The following SAMMSON variants were observed in gnomAD, a reference collection of about 807,000 sequenced individuals.
SAMMSON encodes the protein long intergenic non-protein coding RNA 1212.
At chr3:70,278,131 C>G (rs769555865) in intron 6 of SAMMSON, among the ~76,000 whole-genome samples, 5 of 152,190 alleles carry the variant, frequency 3.3e-5, no homozygotes, top group Non-Finnish European at 7.3e-5. Context: ...TTGCCCCCAA[C>G]TTCTTCTATT....
intron 7 of SAMMSON, among the ~76,000 whole-genome samples, chr3:70,331,071 C>G (rs533479126): frequency 6.6e-6 from 1 of 152,000 alleles, no homozygotes; most frequent in Non-Finnish European, 1.5e-5. Context: ...GATTGAGATC[C>G]CCAAATTGAA....
intron 6 of SAMMSON, among the ~76,000 whole-genome samples, chr3:70,271,293 G>A (rs182932368): frequency 6.6e-6 from 1 of 152,060 alleles, no homozygotes; most frequent in Non-Finnish European, 1.5e-5. Flanking sequence ...AAAAGGACCT[G>A]GTAGGAAGCA....
chr3:70,148,036 C>T (rs2067556264), intron 4 of SAMMSON, among the ~76,000 whole-genome samples: 1 of 151,982 alleles, frequency 6.6e-6, no homozygotes, highest in Admixed American at 6.6e-5. Context: ...AAAAGATGCT[C>T]AATATCATTA....
intron 4 of SAMMSON, among the ~76,000 whole-genome samples, chr3:70,076,873 A>T (rs1022052591): frequency 1.3e-5 from 2 of 152,192 alleles, no homozygotes; most frequent in Non-Finnish European, 2.9e-5. Context: ...CGTTAGACAC[A>T]GTTATGTAAA....
intron 9 of SAMMSON, among the ~76,000 whole-genome samples, chr3:70,385,743 A>G (rs915693925): frequency 1.3e-5 from 2 of 152,114 alleles, no homozygotes; most frequent in Non-Finnish European, 2.9e-5. Flanking sequence ...ATAACTCACT[A>G]TATCACCTTT....
In SAMMSON at chr3:70,193,801, GA is replaced by G. The variant is rs1473210887; in HGVS notation, n.508-55303del. 1.3e-4 allele frequency among the ~76,000 whole-genome samples: 20 copies of G among 152,264 alleles called. 1 individual carries two copies. In the South Asian group the frequency reaches 3.5e-3, roughly 27 times the overall value. The stretch of plus-strand genomic sequence containing the variant: ...TTTTTCTCCATTTTGTTGAGAGAAA[GA>G]AACTTAGAGGCATTGGGTAATTAAT... On this transcript the variant is annotated intron_variant and non_coding_transcript_variant, in intron 4 of 9. Transcript: ENST00000642114.
chr3:70,115,210 C>CAAAA (rs11456109), intron 4 of SAMMSON, among the ~76,000 whole-genome samples: 27 of 117,458 alleles, frequency 2.3e-4, no homozygotes, highest in Non-Finnish European at 4.1e-4. Flanking sequence ...CTCTATTTTC[C>CAAAA]AAAAAAAAAA....
At chr3:70,342,499 T>C (rs1186716307) in intron 7 of SAMMSON, among the ~76,000 whole-genome samples, 1 of 152,204 alleles carries the variant, frequency 6.6e-6, no homozygotes, top group Non-Finnish European at 1.5e-5. Context: ...CTATATTCAT[T>C]CCAAAGTATT....
intron 7 of SAMMSON, among the ~76,000 whole-genome samples, chr3:70,330,559 C>A (rs892999526): frequency 1.3e-5 from 2 of 152,004 alleles, no homozygotes; most frequent in African/African-American, 4.8e-5. Context: ...CATATCTATT[C>A]ATTCAAACAT....
intron 6 of SAMMSON, among the ~76,000 whole-genome samples, chr3:70,277,821 T>C (rs1702042005): frequency 6.6e-6 from 1 of 152,002 alleles, no homozygotes; most frequent in East Asian, 1.9e-4. Flanking sequence ...GTTGTTGAGA[T>C]CTATGTGCCA....
intron 4 of SAMMSON, among the ~76,000 whole-genome samples, chr3:70,100,533 G>GAAAAAA (rs143471172): frequency 0.032 from 4,847 of 149,338 alleles, 172 homozygotes; most frequent in African/African-American, 0.071. Context: ...GGGGGGGGGG[G>GAAAAAA]AAGCACCAAA....
At chr3:70,008,520 A>G (rs2066939713) in intron 1 of SAMMSON, among the ~76,000 whole-genome samples, 1 of 152,222 alleles carries the variant, frequency 6.6e-6, no homozygotes, top group African/African-American at 2.4e-5. Flanking sequence ...GTTGCCTATC[A>G]GCTTAAGGAG....
intron 2 of SAMMSON, among the ~76,000 whole-genome samples, chr3:70,396,319 A>G (rs1239893765): frequency 6.6e-6 from 1 of 152,214 alleles, no homozygotes; most frequent in Non-Finnish European, 1.5e-5. Flanking sequence ...ATTCTTCTAC[A>G]ATGATTTTCA....
At chr3:70,167,389 ATCT>A (rs577238786) in intron 4 of SAMMSON, among the ~76,000 whole-genome samples, 56 of 152,154 alleles carry the variant, frequency 3.7e-4, no homozygotes, top group Non-Finnish European at 7.9e-4. Context: ...CTAATAGATG[ATCT>A]TCTTGTGAAA....
chr3:70,200,461 G>A (rs1295282540), intron 4 of SAMMSON, among the ~76,000 whole-genome samples: 1 of 152,138 alleles, frequency 6.6e-6, no homozygotes, highest in Non-Finnish European at 1.5e-5. Context: ...ACATGGCTCA[G>A]GGCCTTTGCA....
chr3:70,428,929 T>C (rs1287698123), intron 2 of SAMMSON, among the ~76,000 whole-genome samples: 1 of 152,180 alleles, frequency 6.6e-6, no homozygotes, highest in African/African-American at 2.4e-5. Context: ...AAAAGATCAT[T>C]GCCCTTATGG....
At chr3:70,260,827 A>G (rs747641149) in intron 6 of SAMMSON, among the ~76,000 whole-genome samples, 2 of 151,772 alleles carry the variant, frequency 1.3e-5, no homozygotes, top group Admixed American at 6.6e-5. Context: ...ACATCTGCCC[A>G]CCCTTTTAAA....
At chr3:70,063,823 C>A (rs2067199497) in intron 3 of SAMMSON, among the ~76,000 whole-genome samples, 1 of 152,060 alleles carries the variant, frequency 6.6e-6, no homozygotes. Flanking sequence ...CAAAATTCAG[C>A]TGTTTAATGA....
intron 4 of SAMMSON, among the ~76,000 whole-genome samples, chr3:70,227,604 G>A (rs1701520254): frequency 6.6e-6 from 1 of 152,118 alleles, no homozygotes; most frequent in Non-Finnish European, 1.5e-5. Context: ...TCTTTCAAAA[G>A]GTATTAGGTT....
Sources: allele counts gnomAD v4.1 joint callset (sites outside exome capture counted in the v4.1 genomes callset), GRCh38; gene constraint gnomAD v4.1.1; transcripts MANE v1.5; gene names NCBI Gene and HGNC (gene_info 2026-07-23, HGNC 2026-07-21).